PTPN13: variants seen among roughly 807,000 people sequenced by gnomAD.
PTPN13 encodes protein tyrosine phosphatase non-receptor type 13.
In PTPN13, 191 loss-of-function variants were observed where a neutral mutation model predicts 284.0. That is an observed-to-expected ratio of 0.67 (90% CI 0.60 to 0.76). The LOEUF is 0.76. PTPN13 is among the 30% of genes least tolerant of loss of function. PTPN13 has a pLI of 0.00. For synonymous variants in PTPN13, 986 were observed against 1,022.3 expected, an observed-to-expected ratio of 0.96 and a Z score of 0.68; for missense variants, 2,797 against 2,939.9, an observed-to-expected ratio of 0.95 and a Z score of 1.12.
At position 86,784,461 on chromosome 4, in the gene PTPN13, T is replaced by C. The variant is rs765544645; in HGVS notation, c.6025-4T>C. ...TGATGATTTGCTTTGGTTTTATGCTTTAGGTTGCTGGGGAAGAAATAAATG... is the reference window on the plus strand; with the variant it reads ...TGATGATTTGCTTTGGTTTTATGCTCTAGGTTGCTGGGGAAGAAATAAATG... On this transcript the variant is annotated splice_region_variant and splice_polypyrimidine_tract_variant and intron_variant, in intron 37 of 47. Transcript: ENST00000411767. 3 of 1,597,954 alleles carry C rather than the reference T, an allele frequency of 1.9e-6. No individual in the cohort carries two copies. The African/African-American group carries it at 4.0e-5, about 22-fold the overall frequency.
intron 24 of PTPN13, among the ~76,000 whole-genome samples, chr4:86,763,604 G>A (rs1363050850): frequency 6.6e-6 from 1 of 152,106 alleles, no homozygotes; most frequent in African/African-American, 2.4e-5. Flanking sequence ...TGATGATAAC[G>A]ACATTGAAAA....
chr4:86,784,729 C>T (rs531583980), intron 38 of PTPN13, among the ~76,000 whole-genome samples, 171 bp downstream of exon 38: 105 of 152,202 alleles, frequency 6.9e-4, no homozygotes, highest in Non-Finnish European at 1.3e-3. Context: ...AGTATTCATT[C>T]TCGTCTCTGA....
At position 86,732,430 on chromosome 4, in the gene PTPN13, A is replaced by C; in HGVS notation, c.1639A>C (p.Thr547Pro). 6.2e-7 allele frequency: 1 copy of C among 1,600,704 alleles called. No homozygotes were observed. The highest frequency in any genetic ancestry group is 8.5e-7 in the Non-Finnish European group (1 of 1,172,496). Residue 547 changes from threonine to proline, a missense_variant, in exon 11 of 48, where the codon ACA becomes CCA. By Grantham distance (38) the Thr-to-Pro change is conservative (BLOSUM62 -1). Transcript: ENST00000411767. ...NFFGPEFVKM[T>P]IEPFISLDLP... ...CTTTGGCCCTGAGTTTGTGAAAATG[A>C]CAATTGAACCATTTATATCTTTGGA... is the stretch of plus-strand genomic sequence containing the variant.
At chr4:86,676,606 C>T (rs1452897186) in intron 3 of PTPN13, among the ~76,000 whole-genome samples, 1 of 152,160 alleles carries the variant, frequency 6.6e-6, no homozygotes, top group Non-Finnish European at 1.5e-5. Context: ...AAGCTGGAAG[C>T]AGCCCAAATG....
At chr4:86,690,023 A>G in intron 5 of PTPN13, 1 of 300,210 alleles carries the variant, frequency 3.3e-6, no homozygotes, top group East Asian at 5.7e-5. Context: ...AGGATGTCAG[A>G]TGGCTGCCAG....
chr4:86,765,592 A>G (rs1739206988), intron 26 of PTPN13, 104 bp downstream of exon 26: 1 of 752,388 alleles, frequency 1.3e-6, no homozygotes, highest in African/African-American at 1.8e-5. Flanking sequence ...GATATGAAAT[A>G]AGAACATACT....
chr4:86,739,980 A>G (rs935320530), intron 15 of PTPN13, among the ~76,000 whole-genome samples: 1 of 152,206 alleles, frequency 6.6e-6, no homozygotes, highest in Non-Finnish European at 1.5e-5. Flanking sequence ...GGTCAAGCTG[A>G]TGCAAGAGGT....
At chr4:86,705,097 A>G (rs1731587444) in intron 7 of PTPN13, among the ~76,000 whole-genome samples, 1 of 152,124 alleles carries the variant, frequency 6.6e-6, no homozygotes, top group Admixed American at 6.5e-5. Flanking sequence ...GCACTTTGGG[A>G]GGCCAGGGCG....
At position 86,670,058 on chromosome 4, in the gene PTPN13, CCCAAGAGAAGAGGAAGAATCTGGAAA is replaced by C. The variant is rs550646447; in HGVS notation, c.116-2306_116-2281del. Among the ~76,000 whole-genome samples the C allele has an allele frequency of 2.0e-5, 3 of 151,344 alleles. No homozygotes were observed. The East Asian group carries it at 5.8e-4, about 29-fold the overall frequency. On this transcript the variant is annotated intron_variant, in intron 2 of 47. Coordinates refer to ENST00000411767, the MANE Select transcript of PTPN13 (RefSeq NM_080683.3). Reference sequence around the variant, plus strand: ...TTACAGCACCATACATGCATCAGTCCCCAAGAGAAGAGGAAGAATCTGGAAAAAAATAAAAAACCGAGAAGGCGCAG... The same window carrying C: ...TTACAGCACCATACATGCATCAGTCCAAAATAAAAAACCGAGAAGGCGCAG...
At chr4:86,620,887 C>T (rs1351863700) in intron 1 of PTPN13, among the ~76,000 whole-genome samples, 1 of 152,186 alleles carries the variant, frequency 6.6e-6, no homozygotes, top group Non-Finnish European at 1.5e-5. Context: ...CCTGCTGTTT[C>T]CCTCTTATTA....
chr4:86,682,737 T>G (rs1565313706), intron 3 of PTPN13, among the ~76,000 whole-genome samples: 1 of 152,220 alleles, frequency 6.6e-6, no homozygotes, highest in Non-Finnish European at 1.5e-5. Flanking sequence ...CATCTTTGTA[T>G]CAGTGATCTT....
intron 2 of PTPN13, among the ~76,000 whole-genome samples, chr4:86,641,893 T>C (rs1723832399): frequency 6.6e-6 from 1 of 152,194 alleles, no homozygotes; most frequent in Admixed American, 6.5e-5. Flanking sequence ...CTTAAGCTCG[T>C]GAATGTTTGT....
intron 1 of PTPN13, among the ~76,000 whole-genome samples, chr4:86,626,683 A>G (rs1460632337): frequency 2.6e-5 from 4 of 152,254 alleles, no homozygotes; most frequent in Admixed American, 6.5e-5. Flanking sequence ...TGCAGCTACT[A>G]TGAAAAACAG....
intron 1 of PTPN13, among the ~76,000 whole-genome samples, chr4:86,616,392 T>G (rs1720544053): frequency 6.6e-6 from 1 of 152,116 alleles, no homozygotes; most frequent in Non-Finnish European, 1.5e-5. Context: ...AATTGATCAA[T>G]GAACTGAATG....
chr4:86,626,650 T>C (rs1721872339), intron 1 of PTPN13, among the ~76,000 whole-genome samples: 1 of 152,084 alleles, frequency 6.6e-6, no homozygotes, highest in South Asian at 2.1e-4. Context: ...ACTCTTTGCA[T>C]TGTTGGTGGG....
chr4:86,611,388 A>G (rs888754756), intron 1 of PTPN13, among the ~76,000 whole-genome samples: 1 of 152,178 alleles, frequency 6.6e-6, no homozygotes, highest in Non-Finnish European at 1.5e-5. Context: ...ATAACCATGT[A>G]AGATTTGACC....
At chr4:86,677,153 G>C (rs1728365013) in intron 3 of PTPN13, among the ~76,000 whole-genome samples, 1 of 151,860 alleles carries the variant, frequency 6.6e-6, no homozygotes, top group African/African-American at 2.4e-5. Flanking sequence ...AGTAGTCCCA[G>C]CTACTTGCGA....
At chr4:86,810,535 CATAG>C (rs1745114901) in intron 46 of PTPN13, among the ~76,000 whole-genome samples, 2 of 151,880 alleles carry the variant, frequency 1.3e-5, no homozygotes, top group Non-Finnish European at 2.9e-5. Flanking sequence ...AATATCTTAC[CATAG>C]ATAATGTGTA....
chr4:86,739,012 TTA>T (rs1297517192), intron 15 of PTPN13, among the ~76,000 whole-genome samples: 2 of 152,218 alleles, frequency 1.3e-5, no homozygotes, highest in African/African-American at 4.8e-5. Flanking sequence ...GTTTTCAATG[TTA>T]ATGAAGTTTC....
Sources: allele counts gnomAD v4.1 joint callset (sites outside exome capture counted in the v4.1 genomes callset), GRCh38; gene constraint gnomAD v4.1.1; transcripts MANE v1.5; gene names NCBI Gene and HGNC (gene_info 2026-07-23, HGNC 2026-07-21).